The following TENM1 variants were observed in gnomAD, a reference collection of about 807,000 sequenced individuals.
The protein encoded by TENM1 is teneurin transmembrane protein 1.
A neutral mutation model predicts 174.8 loss-of-function variants in TENM1; 35 were observed. The observed-to-expected ratio is 0.20, with a 90% CI of 0.15 to 0.27. The LOEUF (loss-of-function observed/expected upper bound fraction) is 0.27. Ranked by LOEUF, TENM1 falls within the 10% of genes least tolerant of loss-of-function variation. The pLI, the probability that TENM1 is intolerant of heterozygous loss-of-function variation, is 1.00. For synonymous variants in TENM1, 781 were observed against 798.7 expected, an observed-to-expected ratio of 0.98 and a Z score of 0.37; for missense variants, 1,633 against 2,130.1, an observed-to-expected ratio of 0.77 and a Z score of 4.59.
intron 22 of TENM1, among the ~76,000 whole-genome samples, chrX:124,471,276 ATATAATATATAGTACTATATAT>A (rs1209450078): frequency 0.016 from 707 of 44,849 alleles, 50 homozygotes; most frequent in African/African-American, 0.021. Context: ...ATAGTACTAT[ATATAATATATAGTACTATATAT>A]TATAATATAT....
intron 1 of TENM1, among the ~76,000 whole-genome samples, chrX:124,949,612 T>C (rs142268503): frequency 0.016 from 1,730 of 111,497 alleles, 28 homozygotes; most frequent in African/African-American, 0.054. Flanking sequence ...TAATGGAGAC[T>C]CACAGGCTGA....
At chrX:124,919,286 T>C (rs906766722) in intron 1 of TENM1, among the ~76,000 whole-genome samples, 3 of 111,877 alleles carry the variant, frequency 2.7e-5, no homozygotes, top group African/African-American at 3.2e-5. Context: ...TTTCGATCAA[T>C]TGAAAGCTGT....
At chrX:124,912,747 G>A (rs188148124) in intron 1 of TENM1, among the ~76,000 whole-genome samples, 2 of 111,678 alleles carry the variant, frequency 1.8e-5, no homozygotes, top group African/African-American at 6.5e-5. Context: ...TCTGGGTAGG[G>A]TTATTTAAAA....
intron 3 of TENM1, among the ~76,000 whole-genome samples, chrX:124,822,344 G>A (rs1051668498): frequency 2.7e-5 from 3 of 112,281 alleles, no homozygotes; most frequent in Non-Finnish European, 5.6e-5. Context: ...AACAATCTTT[G>A]TTGTGTCATT....
chrX:124,543,448 T>C (rs1038410143), intron 15 of TENM1, among the ~76,000 whole-genome samples: 2 of 111,835 alleles, frequency 1.8e-5, no homozygotes, highest in South Asian at 3.8e-4. Flanking sequence ...TAAGATTTTG[T>C]TTTTTTAAAT....
At chrX:124,755,760 C>T (rs1476275691) in intron 3 of TENM1, among the ~76,000 whole-genome samples, 2 of 108,454 alleles carry the variant, frequency 1.8e-5, no homozygotes, top group African/African-American at 6.9e-5. Context: ...CTTAGTTTGG[C>T]TGGATATGAA....
chrX:125,070,050 G>A, the TENM1 span, among the ~76,000 whole-genome samples: 1 of 110,300 alleles, frequency 9.1e-6, no homozygotes, highest in Admixed American at 9.7e-5. Flanking sequence ...AATTAGCTGG[G>A]CATGGTGGTG....
At chrX:124,748,819 T>C (rs181178561) in intron 3 of TENM1, among the ~76,000 whole-genome samples, 32 of 112,425 alleles carry the variant, frequency 2.8e-4, no homozygotes, top group Non-Finnish European at 3.4e-4. Flanking sequence ...AGCCTTTGTT[T>C]CTTCATCTGT....
At chrX:125,043,127 C>T in the TENM1 span, among the ~76,000 whole-genome samples, 1 of 102,679 alleles carries the variant, frequency 9.7e-6, no homozygotes, top group Non-Finnish European at 2.0e-5. Context: ...GTCCAAAACA[C>T]CAAAAGCAAT....
At chrX:125,022,946 C>T in the TENM1 span, among the ~76,000 whole-genome samples, 8,564 of 110,893 alleles carry the variant, frequency 0.077, 816 homozygotes, top group African/African-American at 0.26. Flanking sequence ...TAATGGGTTA[C>T]GGAAGTACAG....
chrX:124,572,367 G>A (rs1338485882), intron 11 of TENM1, among the ~76,000 whole-genome samples: 3 of 111,556 alleles, frequency 2.7e-5, no homozygotes, highest in Non-Finnish European at 5.7e-5. Flanking sequence ...TGTAGAAAGA[G>A]TACCATTTAA....
chrX:124,517,082 A>T (rs2148032594), intron 18 of TENM1, among the ~76,000 whole-genome samples: 1 of 111,234 alleles, frequency 9.0e-6, no homozygotes, highest in African/African-American at 3.3e-5. Context: ...CTCTCTTATA[A>T]GTGGGAGCTA....
chrX:124,472,538 A>C (rs2061347592), intron 22 of TENM1, among the ~76,000 whole-genome samples: 1 of 110,136 alleles, frequency 9.1e-6, no homozygotes, highest in African/African-American at 3.3e-5. Flanking sequence ...GTTCAATTAT[A>C]AAATAAAAAA....
intron 22 of TENM1, among the ~76,000 whole-genome samples, chrX:124,454,414 T>G (rs12008291): frequency 0.28 from 30,626 of 109,080 alleles, 4,862 homozygotes; most frequent in African/African-American, 0.61. Context: ...TGTTTTTTTT[T>G]TTTGTTTTTG....
At chrX:124,770,915 A>C (rs904875588) in intron 3 of TENM1, among the ~76,000 whole-genome samples, 1 of 111,993 alleles carries the variant, frequency 8.9e-6, no homozygotes, top group Non-Finnish European at 1.9e-5. Context: ...TAGGAAGTAC[A>C]TATTTGCATA....
At chrX:125,139,887 GAGAC>G in the TENM1 span, among the ~76,000 whole-genome samples, 2 of 93,206 alleles carry the variant, frequency 2.1e-5, no homozygotes, top group African/African-American at 3.9e-5. Context: ...GAGAGAGAGA[GAGAC>G]AGAGAATGAG....
intron 13 of TENM1, among the ~76,000 whole-genome samples, chrX:124,562,948 T>C (rs1008192182): frequency 8.9e-6 from 1 of 111,960 alleles, no homozygotes; most frequent in Middle Eastern, 4.6e-3. Context: ...TCCAAGCAAC[T>C]ATCAACAGAC....
intron 11 of TENM1, among the ~76,000 whole-genome samples, chrX:124,619,893 C>T (rs1429748449): frequency 1.8e-5 from 2 of 111,782 alleles, no homozygotes; most frequent in Non-Finnish European, 3.8e-5. Flanking sequence ...ACTCTGTCGG[C>T]ATGGAACAAA....
At chrX:124,721,185 A>G (rs190370144) in intron 4 of TENM1, among the ~76,000 whole-genome samples, 31 of 111,898 alleles carry the variant, frequency 2.8e-4, no homozygotes, top group African/African-American at 8.8e-4. Context: ...TTCTAACTGT[A>G]AATCTAGTGC....
Sources: gnomAD v4.1 joint callset for allele counts (sites outside exome capture counted in the v4.1 genomes callset) on GRCh38, gnomAD v4.1.1 for gene constraint, MANE v1.5 for transcripts, NCBI Gene and HGNC (gene_info 2026-07-23, HGNC 2026-07-21) for gene names.